PRKG1: variants seen among roughly 807,000 people sequenced by gnomAD.
PRKG1 encodes the protein protein kinase cGMP-dependent 1, also known as cGMP-dependent protein kinase 1.
Under a neutral mutation model 88.1 loss-of-function variants are expected in PRKG1, and 35 were observed. The observed-to-expected ratio is 0.40, with a 90% CI of 0.30 to 0.53. The LOEUF is 0.53. PRKG1 is among the 20% of genes least tolerant of loss of function. The pLI, the probability that PRKG1 is intolerant of heterozygous loss-of-function variation, is 0.59. For missense variants in PRKG1, 540 were observed against 839.8 expected (o/e 0.64, Z 4.41); for synonymous variants, 303 against 292.5 (o/e 1.04, Z -0.37).
intron 2 of PRKG1, among the ~76,000 whole-genome samples, chr10:51,263,613 A>G (rs1839769494): frequency 6.6e-6 from 1 of 152,378 alleles, no homozygotes; most frequent in Non-Finnish European, 1.5e-5. Context: ...TCCTCATGCA[A>G]TTCAAATGGA....
intron 1 of PRKG1, among the ~76,000 whole-genome samples, chr10:50,997,147 A>G (rs751892859): frequency 2.0e-5 from 3 of 152,194 alleles, no homozygotes; most frequent in Non-Finnish European, 2.9e-5. Context: ...TCTCGGAAAT[A>G]AGACCTGAAA....
At chr10:50,997,183 A>AT (rs1842844721) in intron 1 of PRKG1, among the ~76,000 whole-genome samples, 4 of 152,068 alleles carry the variant, frequency 2.6e-5, no homozygotes, top group Admixed American at 2.0e-4. Flanking sequence ...TTGTTTTTTT[A>AT]TTTTGCATCG....
chr10:51,224,295 G>T (rs936516796), intron 2 of PRKG1, among the ~76,000 whole-genome samples: 2 of 152,204 alleles, frequency 1.3e-5, no homozygotes, highest in Non-Finnish European at 2.9e-5. Context: ...TCAGAGAAAG[G>T]TGTGTCCACC....
chr10:52,290,603 T>C (rs1176188673), intron 17 of PRKG1, among the ~76,000 whole-genome samples: 1 of 152,064 alleles, frequency 6.6e-6, no homozygotes, highest in East Asian at 1.9e-4. Flanking sequence ...GACAAAAATA[T>C]ATAGGTGAGA....
chr10:51,616,241 G>A (rs1314913414), intron 3 of PRKG1, among the ~76,000 whole-genome samples: 3 of 152,190 alleles, frequency 2.0e-5, no homozygotes, highest in East Asian at 1.9e-4. Flanking sequence ...CCAGGGTGGT[G>A]TATACCTGCA....
intron 4 of PRKG1, among the ~76,000 whole-genome samples, chr10:51,811,208 G>A (rs1015735202): frequency 6.6e-6 from 1 of 152,116 alleles, no homozygotes; most frequent in Non-Finnish European, 1.5e-5. Flanking sequence ...AGTGAGGGTA[G>A]TTTAGTAATA....
chr10:51,567,482 G>A (rs2132160937), intron 3 of PRKG1, among the ~76,000 whole-genome samples: 2 of 152,212 alleles, frequency 1.3e-5, no homozygotes, highest in Middle Eastern at 6.8e-3. Flanking sequence ...TACCCAGTGG[G>A]AGTTTACTTG....
intron 3 of PRKG1, among the ~76,000 whole-genome samples, chr10:51,553,394 G>T (rs148065020): frequency 1.3e-3 from 191 of 151,684 alleles, no homozygotes; most frequent in African/African-American, 4.2e-3. Flanking sequence ...ATGCTTTTTT[G>T]TGTGTGAACT....
chr10:51,804,750 A>C (rs1839261485), intron 4 of PRKG1, 60 bp downstream of exon 4: 9 of 1,196,380 alleles, frequency 7.5e-6, no homozygotes, highest in Non-Finnish European at 1.1e-5. Flanking sequence ...CTATTATCTG[A>C]AATGCAGCAC....
chr10:51,950,142 C>T (rs16925132), intron 5 of PRKG1, among the ~76,000 whole-genome samples: 17,014 of 152,198 alleles, frequency 0.11, 1,204 homozygotes, highest in East Asian at 0.35. Flanking sequence ...GTAAGACTCT[C>T]TAGGCTTTCA....
chr10:51,281,598 G>A (rs1840299100), intron 2 of PRKG1, among the ~76,000 whole-genome samples: 1 of 152,188 alleles, frequency 6.6e-6, no homozygotes, highest in African/African-American at 2.4e-5. Context: ...AAGGAGGCCT[G>A]CCTTCCTCTG....
intron 5 of PRKG1, among the ~76,000 whole-genome samples, chr10:51,931,726 G>T (rs186310896): frequency 6.6e-6 from 1 of 152,272 alleles, no homozygotes; most frequent in East Asian, 1.9e-4. Flanking sequence ...AGGGAATCAA[G>T]AAATAATTTT....
chr10:51,282,011 G>A (rs1289851028), intron 2 of PRKG1, among the ~76,000 whole-genome samples: 1 of 152,110 alleles, frequency 6.6e-6, no homozygotes, highest in Non-Finnish European at 1.5e-5. Flanking sequence ...CTAATGTATG[G>A]CTAGTTGCAA....
rs192431821 is a variant in PRKG1, at chr10:51,011,186, A to G, written c.266+19542A>G. ...GGATATTTTGAATTTTGGATCAGAG[A>G]ATTATTTGTTGTGTGTGTGTGTGGG... On this transcript the variant is annotated intron_variant, in intron 1 of 17. Transcript: ENST00000401604. 2.3e-3 allele frequency among the ~76,000 whole-genome samples: 343 copies of G among 152,054 alleles called. 1 individual carries two copies. Among genetic ancestry groups the G allele is most frequent in the African/African-American group, 7.5e-3 (310 of 41,460 alleles).
At chr10:51,277,022 A>C (rs1840141958) in intron 2 of PRKG1, among the ~76,000 whole-genome samples, 1 of 152,226 alleles carries the variant, frequency 6.6e-6, no homozygotes, top group African/African-American at 2.4e-5. Flanking sequence ...TGTTTTAGAC[A>C]TGAAGTTCTT....
At chr10:51,997,375 G>A (rs1303619055) in intron 5 of PRKG1, among the ~76,000 whole-genome samples, 1 of 150,884 alleles carries the variant, frequency 6.6e-6, no homozygotes, top group Non-Finnish European at 1.5e-5. Flanking sequence ...GGAGGCTGAG[G>A]CACAAGAATC....
intron 5 of PRKG1, among the ~76,000 whole-genome samples, chr10:52,023,168 T>C (rs1428509086): frequency 6.6e-6 from 1 of 152,190 alleles, no homozygotes; most frequent in Non-Finnish European, 1.5e-5. Context: ...CATGTGGTGT[T>C]TGGTTTTCTG....
Position 52,094,002 on chromosome 10 carries a change from C to T in PRKG1, c.935+31371C>T, listed in dbSNP as rs150197565. Among the ~76,000 whole-genome samples, 434 of 152,170 alleles carry T rather than the reference C, an allele frequency of 2.9e-3. 4 individuals carry two copies. The highest frequency in any genetic ancestry group is 0.027 in the East Asian group (139 of 5,176). ...GCAGAAATCAACTTGCTACTATTTC[C>T]CAGACAAATTGGAGAGTTGTTATTT... is the stretch of plus-strand genomic sequence containing the variant. On this transcript the variant is annotated intron_variant, in intron 7 of 17. Transcript: ENST00000373980.
At chr10:51,205,108 A>G (rs1838012664) in intron 2 of PRKG1, among the ~76,000 whole-genome samples, 2 of 121,008 alleles carry the variant, frequency 1.7e-5, no homozygotes, top group South Asian at 2.5e-4. Context: ...TTCATAAGGA[A>G]GAATTTTCAT....
Sources: allele counts gnomAD v4.1 joint callset (sites outside exome capture counted in the v4.1 genomes callset), GRCh38; gene constraint gnomAD v4.1.1; transcripts MANE v1.5; gene names NCBI Gene and HGNC (gene_info 2026-07-23, HGNC 2026-07-21).